The following PLAC9 variants were observed in gnomAD, a reference collection of about 807,000 sequenced individuals.
PLAC9 encodes the protein placenta-specific protein 9.
A neutral mutation model predicts 11.5 loss-of-function variants in PLAC9; 12 were observed. The ratio of observed to expected loss-of-function variants is 1.05; its 90% CI spans 0.67 to 1.69. The LOEUF (loss-of-function observed/expected upper bound fraction) is 1.69, where lower values mean the gene tolerates loss of function less well. Among genes scored for constraint, PLAC9 ranks in the 40% most tolerant of loss-of-function variants. PLAC9 has a pLI of 0.00. For missense variants in PLAC9, 132 were observed against 130.5 expected, an observed-to-expected ratio of 1.01 and a Z score of -0.06; for synonymous variants, 62 against 58.1, an observed-to-expected ratio of 1.07 and a Z score of -0.31.
chr10:80,145,307 ACC>A lies in PLAC9; in HGVS notation c.*401_*402del. On this transcript the variant is annotated 3_prime_UTR_variant, in exon 4 of 4. Coordinates refer to ENST00000372263, the MANE Select transcript of PLAC9 (RefSeq NM_001012973.3). ...TAATCCAAATCTGCATTGCAATGAG[ACC>A]CCCAGGGATTTTATGTGTCCATTAA... 3.2e-6 allele frequency: 1 copy of A among 307,878 alleles called. No individual in the cohort carries two copies. The highest frequency in any genetic ancestry group is 4.3e-5 in the South Asian group (1 of 23,454). The allele number at this position is 307,878 out of a possible 1,614,324, so 19.1% of individuals were successfully genotyped here. A position where few individuals can be genotyped will look rare whatever the true frequency, so the allele number is the denominator to read the frequency against.
At chr10:80,140,145 G>C (rs1845022714) in intron 1 of PLAC9, among the ~76,000 whole-genome samples, 1 of 151,906 alleles carries the variant, frequency 6.6e-6, no homozygotes, top group African/African-American at 2.4e-5. Flanking sequence ...ATCAGTTCAG[G>C]AAGTTCATCC....
In PLAC9 at chr10:80,144,309, G is replaced by A. The variant is rs758410507; in HGVS notation, c.249G>A (p.Pro83=). 132 of 1,611,648 alleles carry A rather than the reference G, an allele frequency of 8.2e-5. No individual in the cohort carries two copies. The East Asian group carries it at 2.5e-3, about 30-fold the overall frequency. Residue 83 remains proline (P), a synonymous_variant, in exon 3 of 4, where the codon CCG becomes CCA. Transcript: ENST00000372263. ...AGGAGCTGGCCTGGAACCTGCCCCC[G>A]GGACCCTTCAGCCCCGCTCCCGACC... ...LLEELAWNLP[P]GPFSPAPDLL...
At chr10:80,134,133 T>C (rs1770486394) in intron 1 of PLAC9, among the ~76,000 whole-genome samples, 1 of 151,942 alleles carries the variant, frequency 6.6e-6, no homozygotes, top group African/African-American at 2.4e-5. Flanking sequence ...TGTAATATAC[T>C]TATCAACGCT....
chr10:80,144,356 G>A lies in PLAC9; in HGVS notation c.283+13G>A. Reference sequence around the variant, plus strand: ...GACCTTCTCGGAGGTGAGCAGTGCAGGTGGCAGAGGACAGCCTCTGGGCGG... The same window carrying A: ...GACCTTCTCGGAGGTGAGCAGTGCAAGTGGCAGAGGACAGCCTCTGGGCGG... On this transcript the variant is annotated intron_variant, in intron 3 of 3. Transcript: ENST00000372263. 1 of 1,586,088 alleles carries A rather than the reference G, an allele frequency of 6.3e-7. No homozygotes were observed. The highest frequency in any genetic ancestry group is 1.7e-4 in the Middle Eastern group (1 of 6,008).
At chr10:80,133,083 C>T (rs1436569096) in intron 1 of PLAC9, among the ~76,000 whole-genome samples, 1 of 152,032 alleles carries the variant, frequency 6.6e-6, no homozygotes, top group East Asian at 1.9e-4. Context: ...GAGGCTGAGA[C>T]AGAAAGAGGC....
chr10:80,134,059 A>C (rs1236796239), intron 1 of PLAC9, among the ~76,000 whole-genome samples: 1 of 152,058 alleles, frequency 6.6e-6, no homozygotes, highest in Non-Finnish European at 1.5e-5. Context: ...GATATATCTT[A>C]ACTTTTGATT....
chr10:80,132,609 C>G (rs1433654103), upstream of PLAC9: 1 of 540,678 alleles, frequency 1.8e-6, no homozygotes, highest in Non-Finnish European at 3.0e-6. Context: ...GCCGAGGGGC[C>G]TCTGGAGGGG....
intron 1 of PLAC9, among the ~76,000 whole-genome samples, chr10:80,133,711 C>T (rs1844939518): frequency 6.6e-6 from 1 of 152,130 alleles, no homozygotes; most frequent in African/African-American, 2.4e-5. Context: ...ACCTACCCCT[C>T]AGGCGGGCGG....
At chr10:80,141,429 T>A (rs1845038975) in intron 1 of PLAC9, among the ~76,000 whole-genome samples, 1 of 152,084 alleles carries the variant, frequency 6.6e-6, no homozygotes, top group African/African-American at 2.4e-5. Context: ...TGAAACCCTG[T>A]CTCTGCTAAA....
chr10:80,132,450 C>T (rs1844923099), upstream of PLAC9: 1 of 355,500 alleles, frequency 2.8e-6, no homozygotes, highest in African/African-American at 2.2e-5. Context: ...GAGCCCAAGA[C>T]CTCACCCAAT....
chr10:80,142,099 C>A lies in PLAC9; in HGVS notation c.82C>A (p.Pro28Thr), dbSNP rs554498250. Residue 28 changes from proline to threonine, a missense_variant, in exon 2 of 4, where the codon CCT becomes ACT. Coordinates refer to ENST00000372263, the MANE Select transcript of PLAC9 (RefSeq NM_001012973.3). ...GSLAAAEPFSPPRGDSAQSTA... is the reference protein window; with the variant it reads ...GSLAAAEPFSTPRGDSAQSTA... ...TCCCACAGCTGCCGAACCCTTCAGC[C>A]CTCCGCGAGGAGACTCAGCTCAGAG... 1 of 1,610,488 alleles carries A rather than the reference C, an allele frequency of 6.2e-7. No homozygotes were observed. The highest frequency in any genetic ancestry group is 1.7e-5 in the Admixed American group (1 of 59,882).
chr10:80,144,287 A>AG lies in PLAC9; in HGVS notation c.228dup (p.Leu77AlafsTer56), dbSNP rs766076201. ...AAAGGCCTGCTGGGCCTGCTGGAGG[A>AG]GCTGGCCTGGAACCTGCCCCCGGGA... On this transcript the variant is annotated frameshift_variant, in exon 3 of 4. Transcript: ENST00000372263. LOFTEE classifies it high-confidence loss of function. 1 of 1,613,516 alleles carries AG rather than the reference A, an allele frequency of 6.2e-7. No individual in the cohort carries two copies. The highest frequency in any genetic ancestry group is 1.1e-5 in the South Asian group (1 of 91,068).
intron 1 of PLAC9, among the ~76,000 whole-genome samples, chr10:80,138,524 G>A (rs937315594): frequency 2.0e-5 from 3 of 152,180 alleles, no homozygotes; most frequent in South Asian, 4.1e-4. Context: ...AGAGTGGAAG[G>A]ACATTTTGTC....
intron 1 of PLAC9, among the ~76,000 whole-genome samples, chr10:80,140,956 G>A (rs922415203): frequency 2.0e-5 from 3 of 152,204 alleles, no homozygotes; most frequent in African/African-American, 7.2e-5. Flanking sequence ...TATGAGTAGT[G>A]ACTTTGGACA....
chr10:80,144,815 G>C, intron 3 of PLAC9, 85 bp from the exon 4 acceptor site: 1 of 1,373,112 alleles, frequency 7.3e-7, no homozygotes, highest in Admixed American at 2.6e-5. Context: ...GCCGGGGAGG[G>C]AAGGGAAGGA....
chr10:80,144,222 G>C lies in PLAC9; in HGVS notation c.163-1G>C. ...CGACTTTACCCCACTTCCCACTCTA[G>C]ATGGTAGAGAAGACCGTGGATCACC... On this transcript the variant is annotated splice_acceptor_variant, in intron 2 of 3. Coordinates refer to ENST00000372263, the MANE Select transcript of PLAC9 (RefSeq NM_001012973.3). LOFTEE classifies it high-confidence loss of function. 1 of 1,614,128 alleles carries C rather than the reference G, an allele frequency of 6.2e-7. No individual in the cohort carries two copies. The highest frequency in any genetic ancestry group is 1.3e-5 in the African/African-American group (1 of 75,042).
rs574152027 is a variant in PLAC9, at chr10:80,142,474, G to C, written c.162+295G>C. Among the ~76,000 whole-genome samples, 9 of 152,268 alleles carry C rather than the reference G, an allele frequency of 5.9e-5. No individual in the cohort carries two copies. In the East Asian group the frequency reaches 1.2e-3, roughly 20 times the overall value. On this transcript the variant is annotated intron_variant, in intron 2 of 3. Coordinates refer to ENST00000372263, the MANE Select transcript of PLAC9 (RefSeq NM_001012973.3). Reference sequence around the variant, plus strand: ...TATATAGCCACGATTCCTAACTTGTGTGGGGAAAAGTTTACATCTTTATTG... The same window carrying C: ...TATATAGCCACGATTCCTAACTTGTCTGGGGAAAAGTTTACATCTTTATTG...
At chr10:80,136,047 C>T (rs1292046943) in intron 1 of PLAC9, among the ~76,000 whole-genome samples, 2 of 152,142 alleles carry the variant, frequency 1.3e-5, no homozygotes, top group Non-Finnish European at 2.9e-5. Context: ...GGTCCAGATA[C>T]AAAAGGTCTC....
intron 1 of PLAC9, among the ~76,000 whole-genome samples, chr10:80,136,609 C>T (rs567056859): frequency 6.6e-6 from 1 of 152,174 alleles, no homozygotes; most frequent in Admixed American, 6.5e-5. Context: ...ATACCTGAGA[C>T]TACAAGTATA....
Sources: gnomAD v4.1 joint callset for allele counts (sites outside exome capture counted in the v4.1 genomes callset) on GRCh38, gnomAD v4.1.1 for gene constraint, MANE v1.5 for transcripts, NCBI Gene and HGNC (gene_info 2026-07-23, HGNC 2026-07-21) for gene names.